The following NPLOC4 variants were observed in gnomAD, a reference collection of about 807,000 sequenced individuals.
The protein encoded by NPLOC4 is nuclear protein localization protein 4 homolog.
Under a neutral mutation model 80.6 loss-of-function variants are expected in NPLOC4, and 18 were observed. The observed-to-expected ratio is 0.22, with a 90% CI of 0.15 to 0.33. NPLOC4 has a LOEUF of 0.33. Among genes scored for constraint, NPLOC4 ranks in the 10% least tolerant of loss-of-function variants. NPLOC4 has a pLI of 1.00. For synonymous variants in NPLOC4, 313 were observed against 301.5 expected (o/e 1.04, Z -0.39); for missense variants, 540 against 786.1 (o/e 0.69, Z 3.74).
At position 81,567,340 on chromosome 17, in the gene NPLOC4, G is replaced by T; in HGVS notation, c.1566+77C>A. 1.1e-6 allele frequency: 1 copy of T among 874,738 alleles called. No homozygotes were observed. Among genetic ancestry groups the T allele is most frequent in the Non-Finnish European group, 1.9e-6 (1 of 533,160 alleles). 54.2% of individuals were successfully genotyped at this position (874,738 alleles called of 1,614,324 possible). A position where few individuals can be genotyped will look rare whatever the true frequency, so the allele number is the denominator to read the frequency against. ...TCCCAATCATGCTCTGGTCTGGGAG[G>T]AAAGAAAGCAAGACACAGGCGTCTC... On this transcript the variant is annotated intron_variant, in intron 15 of 16. Transcript: ENST00000331134. This position sits in a 1 kb window ranked among gnomAD's most constrained non-coding sequence, Gnocchi z 4.5.
At position 81,567,406 on chromosome 17, in the gene NPLOC4, T is replaced by C. The variant is rs756227894; in HGVS notation, c.1566+11A>G. On this transcript the variant is annotated intron_variant, in intron 15 of 16. Transcript: ENST00000331134. This position sits in a 1 kb window ranked among gnomAD's most constrained non-coding sequence, Gnocchi z 4.5. ...CACTTGCTCAAGTGGACACCACACTTGGACACGCACCTGCAGAGGCATAAC... is the reference window on the plus strand; with the variant it reads ...CACTTGCTCAAGTGGACACCACACTCGGACACGCACCTGCAGAGGCATAAC... 1 of 1,559,492 alleles carries C rather than the reference T, an allele frequency of 6.4e-7. No homozygotes were observed. Among genetic ancestry groups the C allele is most frequent in the South Asian group, 1.1e-5 (1 of 89,118 alleles).
intron 2 of NPLOC4, among the ~76,000 whole-genome samples, chr17:81,624,139 G>A (rs947016866): frequency 6.6e-6 from 1 of 152,062 alleles, no homozygotes; most frequent in Non-Finnish European, 1.5e-5. Flanking sequence ...ACAAAAATTA[G>A]GCCAGGTGTG....
intron 1 of NPLOC4, 56 bp downstream of exon 1, chr17:81,636,860 G>T (rs1463395799): frequency 2.9e-6 from 4 of 1,387,314 alleles, no homozygotes; most frequent in Non-Finnish European, 3.8e-6. Context: ...GGCCGAGGCC[G>T]GCAAATCTGC....
intron 2 of NPLOC4, among the ~76,000 whole-genome samples, chr17:81,623,474 A>AAG (rs2035719704): frequency 1.4e-5 from 2 of 146,476 alleles, no homozygotes; most frequent in African/African-American, 2.6e-5. Context: ...CAAAAAAAAA[A>AAG]AAAAAAAAAA....
chr17:81,635,269 G>A (rs569200192), intron 1 of NPLOC4, among the ~76,000 whole-genome samples: 1 of 151,532 alleles, frequency 6.6e-6, no homozygotes, highest in South Asian at 2.1e-4. Context: ...AACCCGAGAG[G>A]CGGAGGTTGC....
intron 12 of NPLOC4, 120 bp downstream of exon 12, chr17:81,588,824 A>G: frequency 2.5e-6 from 2 of 805,872 alleles, no homozygotes; most frequent in Non-Finnish European, 4.0e-6. Flanking sequence ...AGTGACAAGC[A>G]GGGTTCAACC....
At chr17:81,632,150 AT>A (rs753212690) in intron 1 of NPLOC4, among the ~76,000 whole-genome samples, 9 of 148,148 alleles carry the variant, frequency 6.1e-5, no homozygotes, top group Non-Finnish European at 1.2e-4. Flanking sequence ...TAATTTTTGT[AT>A]TTTTAGTAGA....
rs2033691637 is a variant in NPLOC4 at position 81,557,819 on chromosome 17, AGCT to A, written c.*1437_*1439del. ...TGGCCCCTGGTCCCAAGAGCAGATG[AGCT>A]GCTTGGGCCTTCCACTTGGTGTCCC... On this transcript the variant is annotated 3_prime_UTR_variant, in exon 17 of 17. Coordinates refer to ENST00000331134, the MANE Select transcript of NPLOC4 (RefSeq NM_017921.4). The A allele has an allele frequency of 6.6e-6, 1 of 152,274 alleles. No homozygotes were observed. Among genetic ancestry groups the A allele is most frequent in the Non-Finnish European group, 1.5e-5 (1 of 68,100 alleles). 9.4% of individuals were successfully genotyped at this position (152,274 alleles called of 1,614,324 possible). A position where few individuals can be genotyped will look rare whatever the true frequency, so the allele number is the denominator to read the frequency against.
At chr17:81,622,992 C>T (rs1295029635) in intron 2 of NPLOC4, among the ~76,000 whole-genome samples, 3 of 151,212 alleles carry the variant, frequency 2.0e-5, no homozygotes, top group Admixed American at 6.6e-5. Flanking sequence ...GTTAGGAGTT[C>T]GAGACCAGCC....
rs2034329701 is a variant in NPLOC4 at position 81,577,370 on chromosome 17, GCCA to G, written c.1282-5285_1282-5283del. Among the ~76,000 whole-genome samples the G allele has an allele frequency of 6.9e-6, 1 of 145,548 alleles. No individual in the cohort carries two copies. The highest frequency in any genetic ancestry group is 2.0e-4 in the East Asian group (1 of 5,030). On this transcript the variant is annotated intron_variant, in intron 12 of 16. Coordinates refer to ENST00000331134, the MANE Select transcript of NPLOC4 (RefSeq NM_017921.4). This position sits in a 1 kb window ranked among gnomAD's most constrained non-coding sequence, Gnocchi z 4.3. ...CCTTCTCCTTGACCTCTTTAGAGCA[GCCA>G]TCCTTGGAGTTGCTCAACGCCCTCT...
intron 1 of NPLOC4, chr17:81,630,020 C>CCTG: frequency 4.0e-6 from 2 of 500,584 alleles, no homozygotes; most frequent in East Asian, 3.3e-5. Flanking sequence ...GAGTACTGTC[C>CCTG]TCTCAACTCT....
intron 3 of NPLOC4, among the ~76,000 whole-genome samples, chr17:81,617,969 C>T (rs2035547220): frequency 6.6e-6 from 1 of 152,200 alleles, no homozygotes; most frequent in Non-Finnish European, 1.5e-5. Flanking sequence ...CTCAATGGTG[C>T]CCAGGCTGGA....
At chr17:81,584,826 A>G (rs762399470) in intron 12 of NPLOC4, among the ~76,000 whole-genome samples, 8 of 152,236 alleles carry the variant, frequency 5.3e-5, no homozygotes, top group Non-Finnish European at 7.3e-5. Flanking sequence ...ATGATAGGTA[A>G]GACCTCCACA....
chr17:81,575,522 G>A lies in NPLOC4; in HGVS notation c.1282-3434C>T, dbSNP rs146131421. 5.5e-3 allele frequency among the ~76,000 whole-genome samples: 843 copies of A among 152,330 alleles called. 11 individuals are homozygous for A. The highest frequency in any genetic ancestry group is 0.019 in the African/African-American group (786 of 41,584). On this transcript the variant is annotated intron_variant, in intron 12 of 16. Coordinates refer to ENST00000331134, the MANE Select transcript of NPLOC4 (RefSeq NM_017921.4). ...CCAGCTGTGTGCACAGAGCCACTTC[G>A]TCCTCACAAACACACTGGTCACAGG...
chr17:81,612,433 G>A (rs2035365871), intron 4 of NPLOC4, among the ~76,000 whole-genome samples: 1 of 152,188 alleles, frequency 6.6e-6, no homozygotes, highest in Admixed American at 6.5e-5. Flanking sequence ...CAGGCCCCTG[G>A]GAGGAGACAC....
In NPLOC4 at chr17:81,575,983, T is replaced by A. The variant is rs117085892; in HGVS notation, c.1282-3895A>T. Among the ~76,000 whole-genome samples the A allele has an allele frequency of 1.5e-4, 23 of 150,200 alleles. No homozygotes were observed. In the East Asian group the frequency reaches 4.4e-3, roughly 29 times the overall value. ...TTTTAAAAAGTTGCGTGCTGCTGGG[T>A]CTTGTGCCAGCAAATACAAGTGGGT... On this transcript the variant is annotated intron_variant, in intron 12 of 16. Coordinates refer to ENST00000331134, the MANE Select transcript of NPLOC4 (RefSeq NM_017921.4).
chr17:81,571,232 A>C (rs553772340), intron 13 of NPLOC4, among the ~76,000 whole-genome samples: 1 of 152,302 alleles, frequency 6.6e-6, no homozygotes, highest in East Asian at 1.9e-4. Context: ...TGCAGCCTGA[A>C]TAGATCCTGG....
intron 1 of NPLOC4, among the ~76,000 whole-genome samples, chr17:81,634,651 T>G (rs1389648048): frequency 5.9e-5 from 9 of 151,266 alleles, no homozygotes; most frequent in African/African-American, 2.2e-4. Context: ...AGTGGCGCAA[T>G]CTGGGCTCAC....
At chr17:81,633,155 A>G (rs1206531072) in intron 1 of NPLOC4, among the ~76,000 whole-genome samples, 1 of 151,816 alleles carries the variant, frequency 6.6e-6, no homozygotes, top group Admixed American at 6.6e-5. Context: ...GAAAAGAAAT[A>G]CAATTCTTTA....
Sources: allele counts gnomAD v4.1 joint callset (sites outside exome capture counted in the v4.1 genomes callset), GRCh38; gene constraint gnomAD v4.1.1; non-coding constraint Gnocchi (gnomAD v3.1); transcripts MANE v1.5; gene names NCBI Gene and HGNC (gene_info 2026-07-23, HGNC 2026-07-21).